The following ARHGAP15 variants were observed in gnomAD, a reference collection of about 807,000 sequenced individuals.
The protein encoded by ARHGAP15 is rho GTPase-activating protein 15.
In ARHGAP15, 51 loss-of-function variants were observed where a neutral mutation model predicts 63.7. That is an observed-to-expected ratio of 0.80 (90% CI 0.64 to 1.01). The LOEUF (loss-of-function observed/expected upper bound fraction) is 1.01. Among genes scored for constraint, ARHGAP15 ranks in the 50% least tolerant of loss-of-function variants. ARHGAP15 has a pLI of 0.00. For synonymous variants in ARHGAP15, 191 were observed against 193.8 expected (o/e 0.99, Z 0.12); for missense variants, 560 against 564.6 (o/e 0.99, Z 0.08).
At chr2:143,519,893 C>T (rs1693987586) in intron 10 of ARHGAP15, among the ~76,000 whole-genome samples, 1 of 152,164 alleles carries the variant, frequency 6.6e-6, no homozygotes, top group Admixed American at 6.6e-5. Flanking sequence ...TCTATTTCAG[C>T]ATTCTGTTTT....
At chr2:143,519,557 C>G in intron 10 of ARHGAP15, 193 bp downstream of exon 10, 1 of 423,612 alleles carries the variant, frequency 2.4e-6, no homozygotes, top group Non-Finnish European at 4.4e-6. Flanking sequence ...GTAATTCTCA[C>G]TAATGTTCTT....
chr2:143,316,862 T>C (rs1226114191), intron 6 of ARHGAP15, among the ~76,000 whole-genome samples: 1 of 152,052 alleles, frequency 6.6e-6, no homozygotes, highest in Non-Finnish European at 1.5e-5. Flanking sequence ...ACTCCTCTTA[T>C]AGTATATTTT....
At chr2:143,736,144 C>T (rs1191864687) in intron 13 of ARHGAP15, among the ~76,000 whole-genome samples, 4 of 151,922 alleles carry the variant, frequency 2.6e-5, no homozygotes, top group Non-Finnish European at 5.9e-5. Context: ...TTTGGGAGGC[C>T]GAGGTGGGTA....
At chr2:143,203,306 A>G (rs1299449353) in intron 3 of ARHGAP15, among the ~76,000 whole-genome samples, 1 of 152,120 alleles carries the variant, frequency 6.6e-6, no homozygotes, top group Admixed American at 6.6e-5. Flanking sequence ...TCTCCAAATA[A>G]TTGTCTACCT....
intron 11 of ARHGAP15, among the ~76,000 whole-genome samples, chr2:143,586,953 A>G (rs1697132756): frequency 6.6e-6 from 1 of 151,460 alleles, no homozygotes; most frequent in African/African-American, 2.4e-5. Flanking sequence ...CCTCCCTCCA[A>G]CACAGCTCTG....
intron 6 of ARHGAP15, among the ~76,000 whole-genome samples, chr2:143,361,942 C>T (rs993340376): frequency 2.0e-5 from 3 of 152,176 alleles, no homozygotes; most frequent in Non-Finnish European, 4.4e-5. Flanking sequence ...TTTCAAAGTT[C>T]TCCGTGATCT....
intron 11 of ARHGAP15, among the ~76,000 whole-genome samples, chr2:143,573,096 G>C (rs1465638632): frequency 1.3e-5 from 2 of 152,122 alleles, no homozygotes; most frequent in Non-Finnish European, 2.9e-5. Context: ...CTACAGTGCA[G>C]CTTCATGACT....
chr2:143,213,911 G>A (rs1692649081), intron 3 of ARHGAP15, among the ~76,000 whole-genome samples: 1 of 152,188 alleles, frequency 6.6e-6, no homozygotes, highest in Non-Finnish European at 1.5e-5. Flanking sequence ...CCAGCCCTTG[G>A]CATCAATCTC....
chr2:143,323,742 C>T (rs780354015), intron 6 of ARHGAP15, among the ~76,000 whole-genome samples: 73 of 151,326 alleles, frequency 4.8e-4, no homozygotes, highest in Non-Finnish European at 8.4e-4. Flanking sequence ...AAAAAATCAG[C>T]CGGGCGTTGT....
chr2:143,663,901 G>A (rs1490034753), intron 12 of ARHGAP15, among the ~76,000 whole-genome samples: 3 of 152,130 alleles, frequency 2.0e-5, no homozygotes, highest in African/African-American at 4.8e-5. Flanking sequence ...GGAGCACCCA[G>A]ATTCATAAAG....
intron 12 of ARHGAP15, among the ~76,000 whole-genome samples, chr2:143,624,529 A>G (rs1277281580): frequency 2.0e-5 from 3 of 152,136 alleles, no homozygotes; most frequent in Non-Finnish European, 4.4e-5. Flanking sequence ...AGTATCCTCA[A>G]ATGAAAATAG....
At chr2:143,632,360 TATGA>T (rs1294768592) in intron 12 of ARHGAP15, among the ~76,000 whole-genome samples, 1 of 152,104 alleles carries the variant, frequency 6.6e-6, no homozygotes, top group African/African-American at 2.4e-5. Context: ...TATATATACA[TATGA>T]ATGTATGTAT....
chr2:143,362,063 T>G (rs529180220), intron 6 of ARHGAP15, among the ~76,000 whole-genome samples: 10 of 152,310 alleles, frequency 6.6e-5, no homozygotes, highest in Non-Finnish European at 1.3e-4. Flanking sequence ...CAGATTTCTT[T>G]TTTAACCAGG....
chr2:143,486,240 T>C (rs928082109), intron 8 of ARHGAP15, among the ~76,000 whole-genome samples: 13 of 152,078 alleles, frequency 8.5e-5, no homozygotes, highest in Non-Finnish European at 1.9e-4. Flanking sequence ...ATATATCTTG[T>C]CTACAGACAC....
intron 11 of ARHGAP15, among the ~76,000 whole-genome samples, chr2:143,591,614 C>CTTTTTT (rs67060048): frequency 8.9e-5 from 11 of 123,990 alleles, no homozygotes; most frequent in African/African-American, 1.1e-4. Flanking sequence ...TTTGTTTGTT[C>CTTTTTT]TTTTTTTTTT....
chr2:143,180,648 T>C (rs1156983211), intron 2 of ARHGAP15, among the ~76,000 whole-genome samples: 1 of 152,160 alleles, frequency 6.6e-6, no homozygotes, highest in South Asian at 2.1e-4. Flanking sequence ...TATGCAGCTA[T>C]AGTCTTATTA....
At chr2:143,283,072 T>C (rs1002367258) in intron 6 of ARHGAP15, among the ~76,000 whole-genome samples, 2 of 152,186 alleles carry the variant, frequency 1.3e-5, no homozygotes, top group Non-Finnish European at 2.9e-5. Context: ...GCCCAAATGA[T>C]TTGACAATTT....
intron 11 of ARHGAP15, among the ~76,000 whole-genome samples, chr2:143,584,038 G>A (rs770471660): frequency 3.3e-5 from 5 of 152,076 alleles, no homozygotes; most frequent in Non-Finnish European, 5.9e-5. Context: ...AATATATACC[G>A]AATGAGAAAA....
intron 8 of ARHGAP15, among the ~76,000 whole-genome samples, chr2:143,478,281 A>G (rs1219277574): frequency 6.6e-6 from 1 of 152,168 alleles, no homozygotes; most frequent in African/African-American, 2.4e-5. Context: ...CTGTTGTCCC[A>G]TGATTCACTC....
Sources: gnomAD v4.1 joint callset for allele counts (sites outside exome capture counted in the v4.1 genomes callset) on GRCh38, gnomAD v4.1.1 for gene constraint, MANE v1.5 for transcripts, NCBI Gene and HGNC (gene_info 2026-07-23, HGNC 2026-07-21) for gene names.